The following RICTOR variants were observed in gnomAD, a reference collection of about 807,000 sequenced individuals.
RICTOR encodes the protein RPTOR independent companion of MTOR complex 2.
A neutral mutation model predicts 214.9 loss-of-function variants in RICTOR; 49 were observed. That is an observed-to-expected ratio of 0.23 (90% CI 0.18 to 0.29). The LOEUF is 0.29. Among genes scored for constraint, RICTOR ranks in the 10% least tolerant of loss-of-function variants. The probability of loss-of-function intolerance (pLI) is 1.00; values close to 1 mark genes in which losing one functional copy is unlikely to be tolerated. For missense variants in RICTOR, 1,625 were observed against 2,047.0 expected, an observed-to-expected ratio of 0.79 and a Z score of 3.98; for synonymous variants, 717 against 711.3, an observed-to-expected ratio of 1.01 and a Z score of -0.13.
At chr5:38,982,362 T>C (rs941725255) in intron 7 of RICTOR, among the ~76,000 whole-genome samples, 2 of 152,230 alleles carry the variant, frequency 1.3e-5, no homozygotes, top group Admixed American at 6.5e-5. Flanking sequence ...CTTTCATTTG[T>C]GATTTAACTT....
At chr5:39,008,051 A>C (rs2150115496) in intron 3 of RICTOR, among the ~76,000 whole-genome samples, 1 of 151,904 alleles carries the variant, frequency 6.6e-6, no homozygotes, top group East Asian at 1.9e-4. Context: ...AGAAATGGGA[A>C]TAAAATGTTT....
At chr5:38,945,779 A>C in intron 33 of RICTOR, 55 bp from the exon 34 acceptor site, 1 of 886,326 alleles carries the variant, frequency 1.1e-6, no homozygotes, top group Non-Finnish European at 1.7e-6. Flanking sequence ...TTTTCAAGGT[A>C]CCTTAAATTA....
chr5:38,980,117 T>TA (rs1291973469), intron 8 of RICTOR, among the ~76,000 whole-genome samples: 1 of 152,206 alleles, frequency 6.6e-6, no homozygotes, highest in African/African-American at 2.4e-5. Context: ...CATATCCAAT[T>TA]ATATGATAAA....
intron 3 of RICTOR, among the ~76,000 whole-genome samples, chr5:39,015,179 C>A (rs2150127115): frequency 6.6e-6 from 1 of 152,236 alleles, no homozygotes; most frequent in East Asian, 1.9e-4. Context: ...GGGTAGCAAA[C>A]AAACTCCACT....
In RICTOR at chr5:38,954,809, G is replaced by A. The variant is rs2112885583; in HGVS notation, c.2662C>T (p.His888Tyr). 6.2e-7 allele frequency: 1 copy of A among 1,604,400 alleles called. No individual in the cohort carries two copies. The highest frequency in any genetic ancestry group is 8.5e-7 in the Non-Finnish European group (1 of 1,172,312). The part of the protein sequence containing the change: ...LPIHLYGQLV[H>Y]HKTGCHLLEV... ...AACAAATGGCAGCCTGTTTTATGGT[G>A]TACTAGTTGTCCATAAAGGTGTATA... Residue 888 changes from histidine to tyrosine, a missense_variant, in exon 27 of 38, where the codon CAC (histidine) becomes TAC (tyrosine). His to Tyr is a moderately conservative substitution (Grantham distance 83). This residue lies in a region of RICTOR where 1,214 missense variants were observed against 1,470.5 expected (regional missense o/e 0.83). Coordinates refer to ENST00000357387, the MANE Select transcript of RICTOR (RefSeq NM_152756.5).
chr5:38,984,997 C>G (rs1029053643), intron 7 of RICTOR, among the ~76,000 whole-genome samples: 5 of 152,062 alleles, frequency 3.3e-5, no homozygotes, highest in Non-Finnish European at 5.9e-5. Context: ...TTAGTAGAGA[C>G]GGGGTTTCTC....
At chr5:38,954,091 C>T (rs550015987) in intron 27 of RICTOR, among the ~76,000 whole-genome samples, 1 of 132,834 alleles carries the variant, frequency 7.5e-6, no homozygotes, top group African/African-American at 2.7e-5. Flanking sequence ...CTATAGAGTA[C>T]ATTTATGCAA....
intron 32 of RICTOR, 44 bp downstream of exon 32, chr5:38,947,220 T>A: frequency 6.9e-7 from 1 of 1,447,162 alleles, no homozygotes; most frequent in African/African-American, 1.4e-5. Context: ...TATGAAAAAA[T>A]AGGAAACCAA....
At chr5:38,990,783 G>GATATATGAT (rs1554068177) in intron 7 of RICTOR, among the ~76,000 whole-genome samples, 166 bp downstream of exon 7, 1,968 of 64,898 alleles carry the variant, frequency 0.03, 228 homozygotes, top group Middle Eastern at 0.064. Context: ...ATATATATGA[G>GATATATGAT]ATATATGAGA....
intron 2 of RICTOR, among the ~76,000 whole-genome samples, chr5:39,042,377 C>T (rs1757233885): frequency 6.6e-6 from 1 of 151,432 alleles, no homozygotes; most frequent in East Asian, 1.9e-4. Flanking sequence ...CATGAATAAT[C>T]TCTTTTAATC....
Position 38,941,782 on chromosome 5 carries a change from C to G in RICTOR, c.*522G>C. On this transcript the variant is annotated 3_prime_UTR_variant, in exon 38 of 38. Coordinates refer to ENST00000357387, the MANE Select transcript of RICTOR (RefSeq NM_152756.5). ...GTAGTGTTACAAACATTAAGAAAAA[C>G]GTGAAAGGGCCAAAGTTCCCTCTCT... 1 of 232,736 alleles carries G rather than the reference C, an allele frequency of 4.3e-6. No homozygotes were observed. Among genetic ancestry groups the G allele is most frequent in the Non-Finnish European group, 8.5e-6 (1 of 117,542 alleles). 14.4% of individuals were successfully genotyped at this position (232,736 alleles called of 1,614,324 possible). A position where few individuals can be genotyped will look rare whatever the true frequency, so the allele number is the denominator to read the frequency against.
rs376028125 is a variant in RICTOR, at chr5:39,030,012, G to A, written c.98-8876C>T. Among the ~76,000 whole-genome samples the A allele has an allele frequency of 9.2e-5, 14 of 152,170 alleles. No individual in the cohort carries two copies. The South Asian group carries it at 1.2e-3, about 14-fold the overall frequency. On this transcript the variant is annotated intron_variant, in intron 2 of 37. Transcript: ENST00000357387. ...TACTTTCATGATCCAAGATTAATTC[G>A]TTTTTAAAGTAGAAACAATAATGAC...
intron 5 of RICTOR, among the ~76,000 whole-genome samples, chr5:39,000,342 A>C (rs1395096827): frequency 1.3e-5 from 2 of 152,002 alleles, no homozygotes; most frequent in Admixed American, 6.6e-5. Flanking sequence ...CCAATACTAA[A>C]ACCAGACAAA....
chr5:39,017,253 T>A (rs1755030614), intron 3 of RICTOR, among the ~76,000 whole-genome samples: 1 of 152,142 alleles, frequency 6.6e-6, no homozygotes, highest in Non-Finnish European at 1.5e-5. Context: ...GACACAGACC[T>A]CTATTATAAT....
chr5:38,963,494 T>C (rs1749965991), intron 16 of RICTOR, among the ~76,000 whole-genome samples: 1 of 151,992 alleles, frequency 6.6e-6, no homozygotes, highest in Admixed American at 6.6e-5. Context: ...AGTCTCTATT[T>C]TCCACATTGG....
At position 38,990,347 on chromosome 5, in the gene RICTOR, C is replaced by T. The variant is rs149917938; in HGVS notation, c.583+602G>A. 1.7e-3 allele frequency among the ~76,000 whole-genome samples: 246 copies of T among 148,400 alleles called. 3 individuals are homozygous for T. Among genetic ancestry groups the T allele is most frequent in the African/African-American group, 5.6e-3 (226 of 40,238 alleles). Reference sequence around the variant, plus strand: ...TCACACACCGGGGCCTATCAGGGGTCGGGGGAGGGACAGCATTAGGAGAAA... The same window carrying T: ...TCACACACCGGGGCCTATCAGGGGTTGGGGGAGGGACAGCATTAGGAGAAA... On this transcript the variant is annotated intron_variant, in intron 7 of 37. Transcript: ENST00000357387.
chr5:39,003,162 GC>G (rs1217731249), intron 4 of RICTOR, among the ~76,000 whole-genome samples: 1 of 152,070 alleles, frequency 6.6e-6, no homozygotes, highest in Non-Finnish European at 1.5e-5. Context: ...TAGTTATAAA[GC>G]CATATAACAT....
intron 2 of RICTOR, among the ~76,000 whole-genome samples, chr5:39,049,073 A>ATTT (rs1451575748): frequency 3.9e-5 from 6 of 152,164 alleles, no homozygotes; most frequent in Non-Finnish European, 8.8e-5. Context: ...TTAAGGGAAA[A>ATTT]AAACACCAAG....
At chr5:39,005,028 G>C (rs938908241) in intron 3 of RICTOR, among the ~76,000 whole-genome samples, 1 of 152,110 alleles carries the variant, frequency 6.6e-6, no homozygotes, top group East Asian at 1.9e-4. Context: ...TGATCCGCCC[G>C]CCTTGGCCTC....
Sources: gnomAD v4.1 joint callset for allele counts (sites outside exome capture counted in the v4.1 genomes callset) on GRCh38, gnomAD v4.1.1 for gene constraint, gnomAD v4.1.1 regional missense constraint, MANE v1.5 for transcripts, NCBI Gene and HGNC (gene_info 2026-07-23, HGNC 2026-07-21) for gene names.